INSR: variants seen among roughly 807,000 people sequenced by gnomAD.
INSR encodes insulin receptor.
A neutral mutation model predicts 142.6 loss-of-function variants in INSR; 67 were observed. The ratio of observed to expected loss-of-function variants is 0.47; its 90% CI spans 0.39 to 0.58. The LOEUF (loss-of-function observed/expected upper bound fraction) is 0.58, where lower values mean the gene tolerates loss of function less well. INSR is among the 20% of genes least tolerant of loss of function. The pLI, the probability that INSR is intolerant of heterozygous loss-of-function variation, is 0.00. For synonymous variants in INSR, 756 were observed against 743.1 expected (o/e 1.02, Z -0.28); for missense variants, 1,248 against 1,833.2 (o/e 0.68, Z 5.83).
chr19:7,174,895 T>G (rs1974102675), intron 3 of INSR, among the ~76,000 whole-genome samples, 164 bp from the exon 4 acceptor site: 1 of 152,014 alleles, frequency 6.6e-6, no homozygotes, highest in African/African-American at 2.4e-5. Context: ...CAGGCTGGAG[T>G]GCAGTGGTGC....
intron 11 of INSR, among the ~76,000 whole-genome samples, chr19:7,149,338 A>G (rs917493766): frequency 2.1e-4 from 30 of 142,914 alleles, no homozygotes; most frequent in African/African-American, 7.3e-4. Flanking sequence ...GGGAAAAAAT[A>G]AATAAATAAA....
At chr19:7,185,713 C>T (rs766058588) in intron 2 of INSR, among the ~76,000 whole-genome samples, 4 of 150,702 alleles carry the variant, frequency 2.7e-5, no homozygotes, top group Non-Finnish European at 4.4e-5. Flanking sequence ...TGTGCTGGTG[C>T]ATGCCTGTAA....
intron 2 of INSR, among the ~76,000 whole-genome samples, chr19:7,252,656 C>T (rs1976763172): frequency 6.6e-6 from 1 of 152,144 alleles, no homozygotes; most frequent in Admixed American, 6.6e-5. Flanking sequence ...ATCAGACCTC[C>T]GAGTAAAAAT....
chr19:7,230,268 C>T (rs1293905174), intron 2 of INSR, among the ~76,000 whole-genome samples: 1 of 152,078 alleles, frequency 6.6e-6, no homozygotes, highest in African/African-American at 2.4e-5. Flanking sequence ...TCAGGTGTAG[C>T]AATGAGGGAG....
intron 2 of INSR, among the ~76,000 whole-genome samples, chr19:7,242,762 A>AAC (rs1372215045): frequency 1.4e-5 from 2 of 144,744 alleles, no homozygotes; most frequent in Non-Finnish European, 3.0e-5. Flanking sequence ...AAACAGCTAC[A>AAC]ACTCTGCAAC....
At chr19:7,265,349 G>A (rs1282017902) in intron 2 of INSR, among the ~76,000 whole-genome samples, 1 of 152,140 alleles carries the variant, frequency 6.6e-6, no homozygotes, top group Non-Finnish European at 1.5e-5. Flanking sequence ...GCTGTCTGAG[G>A]CCCCCAGTTA....
intron 9 of INSR, among the ~76,000 whole-genome samples, chr19:7,155,354 T>C (rs1013127721): frequency 6.6e-6 from 1 of 151,244 alleles, no homozygotes; most frequent in Non-Finnish European, 1.5e-5. Context: ...GGCCAACATA[T>C]AGTGAAACGC....
At chr19:7,136,047 T>C (rs1410491095) in intron 13 of INSR, among the ~76,000 whole-genome samples, 1 of 152,062 alleles carries the variant, frequency 6.6e-6, no homozygotes, top group African/African-American at 2.4e-5. Context: ...CCACCAGCAA[T>C]GTATGAGGGT....
chr19:7,165,068 G>C (rs1973860389), intron 8 of INSR, among the ~76,000 whole-genome samples: 2 of 152,130 alleles, frequency 1.3e-5, no homozygotes, highest in African/African-American at 4.8e-5. Context: ...GGAGGTTACA[G>C]TGAGCTGAGA....
At position 7,183,270 on chromosome 19, in the gene INSR, GT is replaced by G. The variant is rs1974322455; in HGVS notation, c.974+1045del. Among the ~76,000 whole-genome samples, 3 of 87,508 alleles carry G rather than the reference GT, an allele frequency of 3.4e-5. No homozygotes were observed. The South Asian group carries it at 1.1e-3, about 32-fold the overall frequency. The allele number at this position is 87,508 out of a possible 152,430, so 57.4% of individuals were successfully genotyped here. ...GTTTTTGTGTTGTTTTGTGGTGTGT[GT>G]GTGTGTGTGTGTGTGTGTGTGTGTG... On this transcript the variant is annotated intron_variant, in intron 3 of 21. Coordinates refer to ENST00000302850, the MANE Select transcript of INSR (RefSeq NM_000208.4).
rs555255297 is a variant in INSR, at chr19:7,294,375, T to A, written c.-484A>T. The stretch of plus-strand genomic sequence containing the variant: ...CCCGTAAACAACGCGGCCCGTCAGC[T>A]GGGCCCCGTGCGGGCCGCGGGAAAA... On this transcript the variant is annotated 5_prime_UTR_variant, in exon 1 of 22. Coordinates refer to ENST00000302850, the MANE Select transcript of INSR (RefSeq NM_000208.4). 6.6e-6 allele frequency among the ~76,000 whole-genome samples: 1 copy of A among 151,088 alleles called. No homozygotes were observed. Among genetic ancestry groups the A allele is most frequent in the Non-Finnish European group, 1.5e-5 (1 of 67,644 alleles).
chr19:7,248,682 C>T (rs562249799), intron 2 of INSR, among the ~76,000 whole-genome samples: 53 of 151,294 alleles, frequency 3.5e-4, no homozygotes, highest in Non-Finnish European at 5.9e-4. Context: ...CCACGCCATT[C>T]GACACTTAAC....
chr19:7,233,800 T>C (rs1363716952), intron 2 of INSR, among the ~76,000 whole-genome samples: 4 of 145,108 alleles, frequency 2.8e-5, no homozygotes, highest in Non-Finnish European at 1.5e-5. Flanking sequence ...CTCAGCCTCC[T>C]GAGCAGCTGG....
At chr19:7,199,232 C>T (rs1434635313) in intron 2 of INSR, among the ~76,000 whole-genome samples, 5 of 152,070 alleles carry the variant, frequency 3.3e-5, no homozygotes, top group Non-Finnish European at 5.9e-5. Flanking sequence ...GTCATATTAA[C>T]TCAATTATTC....
intron 16 of INSR, among the ~76,000 whole-genome samples, chr19:7,126,101 A>G (rs184263800): frequency 6.6e-6 from 1 of 152,340 alleles, no homozygotes; most frequent in East Asian, 1.9e-4. Flanking sequence ...ACAGAGGACC[A>G]TGGAATGAAG....
At chr19:7,162,910 G>A (rs892718496) in intron 9 of INSR, 122 bp downstream of exon 9, 9 of 808,016 alleles carry the variant, frequency 1.1e-5, no homozygotes, top group Admixed American at 5.4e-5. Flanking sequence ...TGGAGTGTGT[G>A]TGTGTGTGCC....
At chr19:7,275,066 C>T (rs1033116146) in intron 1 of INSR, among the ~76,000 whole-genome samples, 8 of 151,762 alleles carry the variant, frequency 5.3e-5, no homozygotes, top group African/African-American at 1.9e-4. Context: ...ACCTCTGCCG[C>T]CTGGGTTCAA....
intron 2 of INSR, among the ~76,000 whole-genome samples, chr19:7,218,857 G>A (rs1351637432): frequency 1.3e-5 from 2 of 152,070 alleles, no homozygotes; most frequent in Non-Finnish European, 2.9e-5. Context: ...CCTGTTGTTT[G>A]AGCAAAGATA....
chr19:7,144,647 G>C (rs898096020), intron 11 of INSR, among the ~76,000 whole-genome samples: 2 of 150,888 alleles, frequency 1.3e-5, no homozygotes, highest in Non-Finnish European at 2.9e-5. Context: ...CAGGTGATCT[G>C]CCCACCTCAG....
Sources: allele counts gnomAD v4.1 joint callset (sites outside exome capture counted in the v4.1 genomes callset), GRCh38; gene constraint gnomAD v4.1.1; transcripts MANE v1.5; gene names NCBI Gene and HGNC (gene_info 2026-07-23, HGNC 2026-07-21).